Variants in CHST13 observed in about 807,000 individuals in gnomAD.
The protein encoded by CHST13 is C4ST-3.
A neutral mutation model predicts 7.0 loss-of-function variants in CHST13; 1 was observed. That is an observed-to-expected ratio of 0.14 (90% CI 0.05 to 0.68). The LOEUF (loss-of-function observed/expected upper bound fraction) is 0.68. Ranked by LOEUF, CHST13 falls within the 30% of genes least tolerant of loss-of-function variation. The pLI is 0.82. For synonymous variants in CHST13, 257 were observed against 240.9 expected, an observed-to-expected ratio of 1.07 and a Z score of -0.62; for missense variants, 572 against 507.9, an observed-to-expected ratio of 1.13 and a Z score of -1.21.
intron 1 of CHST13, among the ~76,000 whole-genome samples, chr3:126,528,461 G>A (rs1936579558): frequency 6.6e-6 from 1 of 152,202 alleles, no homozygotes; most frequent in Non-Finnish European, 1.5e-5. Context: ...GTAGTGCACT[G>A]GTGGGCCTTG....
rs1278138701 is a variant in CHST13 at position 126,541,715 on chromosome 3, G to A, written c.181-18G>A. 10 of 1,436,626 alleles carry A rather than the reference G, an allele frequency of 7.0e-6. No individual in the cohort carries two copies. The highest frequency in any genetic ancestry group is 8.2e-6 in the Non-Finnish European group (9 of 1,097,978). The allele number at this position is 1,436,626 out of a possible 1,614,324, so 89.0% of individuals were successfully genotyped here. On this transcript the variant is annotated intron_variant, in intron 2 of 2. Transcript: ENST00000319340. ...CTGCCCTGACGCGTCCCCCTGTCCC[G>A]TCTCCTGTCGCCCACAGGACCCGCG...
At chr3:126,539,570 CACAT>C (rs1936881753) in intron 2 of CHST13, among the ~76,000 whole-genome samples, 1 of 139,608 alleles carries the variant, frequency 7.2e-6, no homozygotes, top group Non-Finnish European at 1.6e-5. Flanking sequence ...CACACACACA[CACAT>C]ATGTACCCCA....
At chr3:126,532,252 A>G (rs1036573019) in intron 1 of CHST13, among the ~76,000 whole-genome samples, 7 of 152,230 alleles carry the variant, frequency 4.6e-5, no homozygotes, top group African/African-American at 1.7e-4. Flanking sequence ...TGAAGCACAA[A>G]TGTTTTTTAA....
At chr3:126,539,778 C>CA in intron 2 of CHST13, among the ~76,000 whole-genome samples, 1 of 61,164 alleles carries the variant, frequency 1.6e-5, no homozygotes, top group Non-Finnish European at 3.0e-5. Flanking sequence ...ACACAGCACA[C>CA]ACACACCACA....
At chr3:126,538,413 A>T (rs1450650818) in intron 2 of CHST13, among the ~76,000 whole-genome samples, 3 of 152,252 alleles carry the variant, frequency 2.0e-5, no homozygotes, top group African/African-American at 4.8e-5. Context: ...CCTGGGAGTC[A>T]TCTGGCTAAT....
chr3:126,536,921 AC>A (rs1936807813), intron 2 of CHST13, among the ~76,000 whole-genome samples: 1 of 146,692 alleles, frequency 6.8e-6, no homozygotes, highest in South Asian at 2.1e-4. Flanking sequence ...ACACACACAC[AC>A]ACCCCACACA....
At position 126,524,209 on chromosome 3, in the gene CHST13, C is replaced by T. The variant is rs1936488943; in HGVS notation, c.-124C>T. ...GGCTGGGGTCCAGCTGCCGTGCTCC[C>T]CTGCCCTGCGCCGCGCCGCGCGTCT... On this transcript the variant is annotated 5_prime_UTR_variant, in exon 1 of 3. Coordinates refer to ENST00000319340, the MANE Select transcript of CHST13 (RefSeq NM_152889.3). 2 of 725,608 alleles carry T rather than the reference C, an allele frequency of 2.8e-6. No individual in the cohort carries two copies. Among genetic ancestry groups the T allele is most frequent in the African/African-American group, 3.7e-5 (2 of 53,806 alleles). 44.9% of individuals were successfully genotyped at this position (725,608 alleles called of 1,614,324 possible).
rs1349441085 is a variant in CHST13 at position 126,542,728 on chromosome 3, G to T, written c.*150G>T. On this transcript the variant is annotated 3_prime_UTR_variant, in exon 3 of 3. Coordinates refer to ENST00000319340, the MANE Select transcript of CHST13 (RefSeq NM_152889.3). ...GGGCCAGCGGGCGCAGGGCACACCT[G>T]GCCAGGCTTGGGGGCAGCCCATCTC... The T allele has an allele frequency of 4.1e-6, 5 of 1,227,228 alleles. No homozygotes were observed. Among genetic ancestry groups the T allele is most frequent in the Non-Finnish European group, 5.3e-6 (5 of 951,976 alleles). 76.0% of individuals were successfully genotyped at this position (1,227,228 alleles called of 1,614,324 possible). A position where few individuals can be genotyped will look rare whatever the true frequency, so the allele number is the denominator to read the frequency against.
intron 2 of CHST13, 121 bp downstream of exon 2, chr3:126,536,474 C>G (rs1273925259): frequency 1.1e-5 from 8 of 696,292 alleles, no homozygotes; most frequent in Non-Finnish European, 1.9e-5. Context: ...GAAGGGCATC[C>G]TCCCCAAACC....
In CHST13 at chr3:126,542,203, G is replaced by A. The variant is rs1208226102; in HGVS notation, c.651G>A (p.Arg217=). ...GGCCGCGCGCGCTCCCCGACGCCCG[G>A]GCCCGCGGCCACGACGTGCGCTTCG... ...RLRPRALPDA[R]ARGHDVRFAE... Residue 217 remains arginine (R), a synonymous_variant, in exon 3 of 3, where the codon CGG becomes CGA. Coordinates refer to ENST00000319340, the MANE Select transcript of CHST13 (RefSeq NM_152889.3). The A allele has an allele frequency of 3.4e-6, 5 of 1,449,294 alleles. No individual in the cohort carries two copies. Among genetic ancestry groups the A allele is most frequent in the Non-Finnish European group, 4.5e-6 (5 of 1,108,906 alleles). 89.8% of individuals were successfully genotyped at this position (1,449,294 alleles called of 1,614,324 possible).
intron 2 of CHST13, among the ~76,000 whole-genome samples, chr3:126,537,017 G>C (rs150306901): frequency 6.6e-6 from 1 of 152,118 alleles, no homozygotes; most frequent in Non-Finnish European, 1.5e-5. Flanking sequence ...CAGCAAGCAG[G>C]TTGGCCAGGT....
At chr3:126,541,148 C>G (rs1311128359) in intron 2 of CHST13, among the ~76,000 whole-genome samples, 1 of 152,120 alleles carries the variant, frequency 6.6e-6, no homozygotes, top group Non-Finnish European at 1.5e-5. Flanking sequence ...TAAAGCCAGT[C>G]GTTGTTCCTT....
chr3:126,529,737 G>T (rs899340498), intron 1 of CHST13, among the ~76,000 whole-genome samples: 3 of 151,956 alleles, frequency 2.0e-5, no homozygotes, highest in African/African-American at 7.3e-5. Flanking sequence ...ATTGTTTTTG[G>T]CACTCCTCCC....
rs1560145100 is a variant in CHST13, at chr3:126,542,892, C to A, written c.*314C>A. 4.1e-6 allele frequency: 1 copy of A among 241,566 alleles called. No individual in the cohort carries two copies. Among genetic ancestry groups the A allele is most frequent in the Non-Finnish European group, 7.9e-6 (1 of 126,778 alleles). The allele number at this position is 241,566 out of a possible 1,614,324, so 15.0% of individuals were successfully genotyped here. Reference sequence around the variant, plus strand: ...AACCAGGGTTTTAGGCTTTTAAAGGCCATTTTGGGGGTCAGCCCTGCCCCT... The same window carrying A: ...AACCAGGGTTTTAGGCTTTTAAAGGACATTTTGGGGGTCAGCCCTGCCCCT... On this transcript the variant is annotated 3_prime_UTR_variant, in exon 3 of 3. Coordinates refer to ENST00000319340, the MANE Select transcript of CHST13 (RefSeq NM_152889.3).
intron 1 of CHST13, 77 bp from the exon 2 acceptor site, chr3:126,536,194 A>T: frequency 1.6e-6 from 2 of 1,246,988 alleles, no homozygotes; most frequent in Non-Finnish European, 1.2e-6. Context: ...AAATGTGCCT[A>T]GATGGGTTGG....
intron 1 of CHST13, among the ~76,000 whole-genome samples, chr3:126,530,952 G>A (rs901824031): frequency 2.6e-5 from 4 of 152,280 alleles, no homozygotes; most frequent in African/African-American, 4.8e-5. Context: ...CAGGCAGGGG[G>A]CAGCAGGACC....
chr3:126,536,927 C>T (rs1159203653), intron 2 of CHST13, among the ~76,000 whole-genome samples: 1 of 144,406 alleles, frequency 6.9e-6, no homozygotes, highest in African/African-American at 2.7e-5. Flanking sequence ...ACACACACCC[C>T]ACACACACAA....
chr3:126,531,115 C>A (rs1050034820), intron 1 of CHST13, among the ~76,000 whole-genome samples: 2 of 152,402 alleles, frequency 1.3e-5, no homozygotes, highest in Non-Finnish European at 1.5e-5. Flanking sequence ...CCAGGCACTG[C>A]GCTGGCGCAG....
chr3:126,524,244 C>A lies in CHST13; in HGVS notation c.-89C>A. 1 of 1,059,602 alleles carries A rather than the reference C, an allele frequency of 9.4e-7. No homozygotes were observed. The highest frequency in any genetic ancestry group is 1.2e-6 in the Non-Finnish European group (1 of 841,932). The allele number at this position is 1,059,602 out of a possible 1,614,324, so 65.6% of individuals were successfully genotyped here. On this transcript the variant is annotated 5_prime_UTR_variant, in exon 1 of 3. It adds an upstream start codon to the 5' untranslated region. Coordinates refer to ENST00000319340, the MANE Select transcript of CHST13 (RefSeq NM_152889.3). ...GCCGCGCCGCGCGTCTTGGTAGGCG[C>A]TGCGCTGCCGGGGCCGGGTCCTGGG...
Sources: gnomAD v4.1 joint callset for allele counts (sites outside exome capture counted in the v4.1 genomes callset) on GRCh38, gnomAD v4.1.1 for gene constraint, MANE v1.5 for transcripts, NCBI Gene and HGNC (gene_info 2026-07-23, HGNC 2026-07-21) for gene names.